The following BRD10 variants were observed in gnomAD, a reference collection of about 807,000 sequenced individuals.
BRD10 encodes bromodomain containing 10, also known as uncharacterized bromodomain-containing protein 10.
chr9:6,008,466 C>G, the BRD10 span, among the ~76,000 whole-genome samples: 1 of 151,858 alleles, frequency 6.6e-6, no homozygotes, highest in Non-Finnish European at 1.5e-5. Context: ...CTGTCGCCAT[C>G]CCCGGTGCGC....
At chr9:5,898,015 T>C in the BRD10 span, 5 of 210,606 alleles carry the variant, frequency 2.4e-5, no homozygotes, top group Non-Finnish European at 4.9e-5. Context: ...GTGGAAGGCA[T>C]CACATGGGCA....
the BRD10 span, among the ~76,000 whole-genome samples, chr9:5,884,068 A>G: frequency 2.6e-5 from 4 of 152,332 alleles, no homozygotes; most frequent in African/African-American, 9.6e-5. Context: ...CAGAACCCAG[A>G]GCGCAGTCTC....
chr9:5,997,937 C>A, the BRD10 span, among the ~76,000 whole-genome samples: 30,207 of 151,948 alleles, frequency 0.2, 3,221 homozygotes, highest in Middle Eastern at 0.3. Context: ...ACATACTGTA[C>A]GTTTTGTAAA....
the BRD10 span, among the ~76,000 whole-genome samples, chr9:5,997,897 T>C: frequency 1.3e-5 from 2 of 152,128 alleles, no homozygotes; most frequent in Admixed American, 6.5e-5. Context: ...GCACACACAA[T>C]ACATAATAAA....
At chr9:5,973,448 C>A in the BRD10 span, among the ~76,000 whole-genome samples, 4 of 152,144 alleles carry the variant, frequency 2.6e-5, no homozygotes, top group African/African-American at 9.7e-5. Context: ...GCCTGGGTGA[C>A]AGAGTGAGAC....
the BRD10 span, among the ~76,000 whole-genome samples, chr9:5,951,012 CTACAGA>C: frequency 6.8e-5 from 10 of 148,002 alleles, no homozygotes; most frequent in Non-Finnish European, 1.5e-4. Flanking sequence ...GATGCAGAAC[CTACAGA>C]TACAGAGGGC....
At chr9:5,920,920 C>A in the BRD10 span, 1 of 1,613,906 alleles carries the variant, frequency 6.2e-7, no homozygotes, top group Admixed American at 1.7e-5. Flanking sequence ...ACAAAATAGG[C>A]ATAATTCTTG....
chr9:5,967,934 T>C, the BRD10 span: 2 of 830,896 alleles, frequency 2.4e-6, no homozygotes, highest in African/African-American at 1.7e-5. Flanking sequence ...TTTTACTCTC[T>C]CAATCAAAGC....
chr9:5,957,076 CAA>C, the BRD10 span, among the ~76,000 whole-genome samples: 2 of 152,034 alleles, frequency 1.3e-5, no homozygotes, highest in South Asian at 2.1e-4. Context: ...AACAATTCAC[CAA>C]AGAGTTTCAA....
At chr9:5,900,948 G>C in the BRD10 span, among the ~76,000 whole-genome samples, 1 of 152,170 alleles carries the variant, frequency 6.6e-6, no homozygotes, top group African/African-American at 2.4e-5. Context: ...TGCATGGTCA[G>C]TGGTCACCTG....
the BRD10 span, chr9:5,954,176 A>G: frequency 1.3e-6 from 1 of 747,670 alleles, no homozygotes; most frequent in African/African-American, 1.8e-5. Context: ...CAGATCCTTG[A>G]AAGTTAAATT....
the BRD10 span, among the ~76,000 whole-genome samples, chr9:5,931,558 TG>T: frequency 6.6e-6 from 1 of 152,212 alleles, no homozygotes; most frequent in Non-Finnish European, 1.5e-5. Context: ...TAATCTGTTT[TG>T]AAATGTCTGT....
chr9:5,972,063 GAAC>G, the BRD10 span, among the ~76,000 whole-genome samples: 13 of 152,072 alleles, frequency 8.5e-5, no homozygotes, highest in Admixed American at 2.6e-4. Flanking sequence ...TCAGGTACAT[GAAC>G]AACAACAACA....
the BRD10 span, chr9:6,007,778 G>A: frequency 3.2e-6 from 5 of 1,551,310 alleles, no homozygotes; most frequent in Admixed American, 7.8e-5. Context: ...GGCGTCCCGG[G>A]CACACTCATG....
At chr9:5,916,552 C>A in the BRD10 span, among the ~76,000 whole-genome samples, 1 of 109,568 alleles carries the variant, frequency 9.1e-6, no homozygotes, top group South Asian at 3.5e-4. Context: ...TAAAACTAAT[C>A]ACTATATATA....
the BRD10 span, among the ~76,000 whole-genome samples, chr9:5,970,517 G>C: frequency 6.6e-6 from 1 of 152,082 alleles, no homozygotes; most frequent in Non-Finnish European, 1.5e-5. Context: ...TGTGACCTTA[G>C]ATTAGGCAAT....
the BRD10 span, among the ~76,000 whole-genome samples, chr9:6,002,222 T>C: frequency 5.1e-4 from 77 of 152,348 alleles, no homozygotes; most frequent in African/African-American, 1.7e-3. Context: ...ACAAAACAGG[T>C]GCTCAATAAA....
At chr9:5,951,497 A>G in the BRD10 span, among the ~76,000 whole-genome samples, 1 of 152,172 alleles carries the variant, frequency 6.6e-6, no homozygotes, top group Admixed American at 6.5e-5. Context: ...ATATTTCAGA[A>G]TGAATAATAT....
the BRD10 span, chr9:6,007,762 G>C: frequency 6.4e-7 from 1 of 1,573,834 alleles, no homozygotes; most frequent in Non-Finnish European, 8.6e-7. Context: ...CGGCTCCATC[G>C]CTCCCGGCGT....
Sources: gnomAD v4.1 joint callset for allele counts (sites outside exome capture counted in the v4.1 genomes callset) on GRCh38, gnomAD v4.1.1 for gene constraint, MANE v1.5 for transcripts, NCBI Gene and HGNC (gene_info 2026-07-23, HGNC 2026-07-21) for gene names.